Variants in SRR observed in about 807,000 individuals in gnomAD.
SRR encodes the protein D-serine ammonia-lyase.
Under a neutral mutation model 32.7 loss-of-function variants are expected in SRR, and 19 were observed. The observed-to-expected ratio is 0.58, with a 90% CI of 0.40 to 0.85. The LOEUF (loss-of-function observed/expected upper bound fraction) is 0.85. Ranked by LOEUF, SRR falls within the 40% of genes least tolerant of loss-of-function variation. The pLI is 0.00. For missense variants in SRR, 373 were observed against 404.7 expected (o/e 0.92, Z 0.67); for synonymous variants, 142 against 140.9 (o/e 1.01, Z -0.06).
intron 2 of SRR, 149 bp from the exon 3 acceptor site, chr17:2,317,721 A>G: frequency 1.3e-6 from 1 of 794,194 alleles, no homozygotes; most frequent in Non-Finnish European, 1.9e-6. Context: ...TAAAAAATAA[A>G]GATGCACATG....
At chr17:2,311,953 T>C (rs1354772198) in intron 1 of SRR, among the ~76,000 whole-genome samples, 7 of 152,152 alleles carry the variant, frequency 4.6e-5, no homozygotes, top group Admixed American at 4.6e-4. Flanking sequence ...CTCATGCCTG[T>C]AATCCCAGCA....
intron 1 of SRR, chr17:2,306,665 C>T (rs193232464): frequency 1.7e-5 from 7 of 409,308 alleles, no homozygotes; most frequent in East Asian, 1.5e-4. Context: ...TGCAGTGAGC[C>T]GAGATCACGC....
intron 3 of SRR, 129 bp downstream of exon 3, chr17:2,318,125 T>C (rs2075492532): frequency 2.7e-6 from 3 of 1,115,784 alleles, no homozygotes; most frequent in East Asian, 5.3e-5. Flanking sequence ...TTGCAAGCAA[T>C]ATGAACATAA....
chr17:2,314,253 C>T (rs936023323), intron 1 of SRR, among the ~76,000 whole-genome samples: 1 of 151,566 alleles, frequency 6.6e-6, no homozygotes, highest in Admixed American at 6.6e-5. Context: ...AGTTCGAGAC[C>T]AGCCTGCACA....
Position 2,323,984 on chromosome 17 carries a change from T to G in SRR, c.*111T>G. 1.7e-6 allele frequency: 2 copies of G among 1,162,622 alleles called. No individual in the cohort carries two copies. The highest frequency in any genetic ancestry group is 1.6e-5 in the South Asian group (1 of 64,414). 72.0% of individuals were successfully genotyped at this position (1,162,622 alleles called of 1,614,324 possible). A position where few individuals can be genotyped will look rare whatever the true frequency, so the allele number is the denominator to read the frequency against. On this transcript the variant is annotated 3_prime_UTR_variant, in exon 8 of 8. Transcript: ENST00000344595. ...AGATTCTTAATGGAGAGTGGCTATT[T>G]CATTAAGATTTAATAGTTTTTTTTG...
At chr17:2,320,710 T>C (rs1339424724) in intron 4 of SRR, among the ~76,000 whole-genome samples, 2 of 152,118 alleles carry the variant, frequency 1.3e-5, no homozygotes, top group Non-Finnish European at 2.9e-5. Context: ...TACAGGCGCG[T>C]GCCACCACAT....
intron 7 of SRR, 98 bp from the exon 8 acceptor site, chr17:2,323,557 A>G: frequency 7.5e-7 from 1 of 1,335,582 alleles, no homozygotes; most frequent in Non-Finnish European, 1.1e-6. Flanking sequence ...ACACAGTGAT[A>G]AGAAAATTCA....
At chr17:2,305,345 C>T (rs2075379520) in intron 1 of SRR, among the ~76,000 whole-genome samples, 1 of 152,096 alleles carries the variant, frequency 6.6e-6, no homozygotes, top group Non-Finnish European at 1.5e-5. Context: ...ATGGCACCAC[C>T]CATTTAATGC....
rs1024465018 is a variant in SRR, at chr17:2,303,985, C to G, written c.-37C>G. ...GTGCGGCCGGGGAGGCGCGCGGAGG[C>G]TGGAGCTGGAGGCGCGGCGCCGGTG... On this transcript the variant is annotated 5_prime_UTR_variant, in exon 1 of 8. Transcript: ENST00000344595. The G allele has an allele frequency of 2.9e-6, 1 of 339,210 alleles. No homozygotes were observed. Among genetic ancestry groups the G allele is most frequent in the South Asian group, 7.3e-5 (1 of 13,686 alleles). 21.0% of individuals were successfully genotyped at this position (339,210 alleles called of 1,614,324 possible). A position where few individuals can be genotyped will look rare whatever the true frequency, so the allele number is the denominator to read the frequency against.
intron 1 of SRR, chr17:2,315,240 CAAAAA>C (rs397856755): frequency 3.3e-4 from 20 of 61,318 alleles, no homozygotes; most frequent in Non-Finnish European, 5.1e-4. Context: ...GACTCCGTCT[CAAAAA>C]AAAAAAAAAA....
intron 2 of SRR, 66 bp from the exon 3 acceptor site, chr17:2,317,804 A>G: frequency 6.4e-7 from 1 of 1,551,482 alleles, no homozygotes; most frequent in Non-Finnish European, 8.8e-7. Flanking sequence ...AAAATCTAGA[A>G]AAGCTCCTTG....
intron 1 of SRR, among the ~76,000 whole-genome samples, chr17:2,308,232 T>C (rs935814688): frequency 3.3e-5 from 5 of 152,140 alleles, no homozygotes; most frequent in African/African-American, 1.2e-4. Flanking sequence ...GCTTTCTTTT[T>C]AAAGTGAAAA....
chr17:2,312,377 C>T (rs187672401), intron 1 of SRR, among the ~76,000 whole-genome samples: 88 of 152,172 alleles, frequency 5.8e-4, no homozygotes, highest in African/African-American at 1.8e-3. Flanking sequence ...AGGTGGATCA[C>T]GAAGTCAGGA....
In SRR at chr17:2,323,211, G is replaced by A. The variant is rs1316440080; in HGVS notation, c.670G>A (p.Gly224Arg). 1.2e-6 allele frequency: 2 copies of A among 1,614,090 alleles called. No individual in the cohort carries two copies. The highest frequency in any genetic ancestry group is 4.5e-5 in the East Asian group (2 of 44,898). The change falls in exon 7 of 8, where the codon GGG becomes AGG. Residue 224 changes from glycine to arginine, a missense_variant. Coordinates refer to ENST00000344595, the MANE Select transcript of SRR (RefSeq NM_021947.3). The part of the protein sequence containing the change: ...ADDCYQSKLK[G>R]KLMPNLYPPE... ...TGACTGCTACCAGTCCAAGCTGAAG[G>A]GGAAACTGATGCCCAATCTTTATCC...
intron 4 of SRR, among the ~76,000 whole-genome samples, chr17:2,320,979 T>C (rs1403970023): frequency 2.0e-5 from 3 of 152,204 alleles, no homozygotes; most frequent in Non-Finnish European, 4.4e-5. Context: ...TGTTACCCCC[T>C]CTCTGGAATA....
chr17:2,324,835 G>C lies in SRR; in HGVS notation c.*962G>C, dbSNP rs2075565645. 6.9e-6 allele frequency: 11 copies of C among 1,601,952 alleles called. No homozygotes were observed. The East Asian group carries it at 2.5e-4, about 36-fold the overall frequency. Reference sequence around the variant, plus strand: ...AGCAATGAGGCTGTGCATTCCTAAAGGACAAAAGCAAAGAAGCTATTTAGG... The same window carrying C: ...AGCAATGAGGCTGTGCATTCCTAAACGACAAAAGCAAAGAAGCTATTTAGG... On this transcript the variant is annotated 3_prime_UTR_variant, in exon 8 of 8. Coordinates refer to ENST00000344595, the MANE Select transcript of SRR (RefSeq NM_021947.3).
At chr17:2,315,969 G>A (rs887754036) in intron 2 of SRR, among the ~76,000 whole-genome samples, 2 of 151,932 alleles carry the variant, frequency 1.3e-5, no homozygotes, top group Non-Finnish European at 2.9e-5. Context: ...ACTTATCCGA[G>A]TAATTTTTAT....
intron 4 of SRR, among the ~76,000 whole-genome samples, chr17:2,320,804 T>C (rs1052437607): frequency 6.6e-6 from 1 of 152,180 alleles, no homozygotes; most frequent in Admixed American, 6.5e-5. Context: ...TGAAGTGATC[T>C]GCCCACCTTG....
At chr17:2,318,535 G>A (rs2075497217) in intron 3 of SRR, among the ~76,000 whole-genome samples, 1 of 149,372 alleles carries the variant, frequency 6.7e-6, no homozygotes, top group African/African-American at 2.5e-5. Flanking sequence ...CAGGATCTCG[G>A]CTCACTGCAA....
Sources: allele counts gnomAD v4.1 joint callset (sites outside exome capture counted in the v4.1 genomes callset), GRCh38; gene constraint gnomAD v4.1.1; transcripts MANE v1.5; gene names NCBI Gene and HGNC (gene_info 2026-07-23, HGNC 2026-07-21).